STAB1: variants seen among roughly 807,000 people sequenced by gnomAD.
STAB1 encodes stabilin 1, also known as stabilin-1.
Under a neutral mutation model 332.4 loss-of-function variants are expected in STAB1, and 250 were observed. The ratio of observed to expected loss-of-function variants is 0.75; its 90% CI spans 0.68 to 0.84. The LOEUF (loss-of-function observed/expected upper bound fraction) is 0.84. STAB1 is among the 40% of genes least tolerant of loss of function. STAB1 has a pLI of 0.00. For missense variants in STAB1, 3,249 were observed against 3,489.7 expected (o/e 0.93, Z 1.74); for synonymous variants, 1,475 against 1,390.4 (o/e 1.06, Z -1.35).
Position 52,521,688 on chromosome 3 carries a change from G to A in STAB1, c.6151G>A (p.Glu2051Lys), listed in dbSNP as rs748334259. 6.2e-7 allele frequency: 1 copy of A among 1,612,860 alleles called. No individual in the cohort carries two copies. Among genetic ancestry groups the A allele is most frequent in the Non-Finnish European group, 8.5e-7 (1 of 1,179,856 alleles). ...CDEGWTGPRC[E>K]VQLELQPVCT... ...TGAAGGCTGGACTGGGCCACGCTGT[G>A]AGGTGCAACTGGGTGAGTAGCCCCG... The change falls in exon 57 of 69, where the codon GAG becomes AAG. Residue 2051 changes from glutamate to lysine, a missense_variant. Glu to Lys is a moderately conservative substitution (Grantham distance 56). Transcript: ENST00000321725.
chr3:52,506,364 A>T, intron 17 of STAB1, 114 bp downstream of exon 17: 2 of 980,832 alleles, frequency 2.0e-6, no homozygotes, highest in Non-Finnish European at 3.1e-6. Context: ...CTGCTAGGCC[A>T]TGGCGGGCTC....
intron 20 of STAB1, 116 bp from the exon 21 acceptor site, chr3:52,508,157 C>A (rs1412643841): frequency 1.5e-6 from 2 of 1,340,950 alleles, no homozygotes; most frequent in African/African-American, 1.5e-5. Flanking sequence ...GAAAAGGGGT[C>A]CCAGAGAAAC....
chr3:52,504,219 G>A, intron 10 of STAB1, 64 bp downstream of exon 10: 1 of 1,539,246 alleles, frequency 6.5e-7, no homozygotes, highest in South Asian at 1.2e-5. Flanking sequence ...GGCAGGGAGG[G>A]AGGAGCTGCC....
rs368910378 is a variant in STAB1, at chr3:52,516,915, G to A, written c.4364-69G>A. On this transcript the variant is annotated intron_variant, in intron 41 of 68. Transcript: ENST00000321725. ...CCTCTGACCTTTTCCTTTCTCTCAC[G>A]CCCTCCTCTCCTGTCCTGCCTCCGG... is the stretch of plus-strand genomic sequence containing the variant. 122 of 1,602,818 alleles carry A rather than the reference G, an allele frequency of 7.6e-5. No homozygotes were observed. The African/African-American group carries it at 9.5e-4, about 12-fold the overall frequency.
chr3:52,518,017 A>C lies in STAB1; in HGVS notation c.4761+14A>C. On this transcript the variant is annotated intron_variant, in intron 45 of 68. Transcript: ENST00000321725. ...CGAGTCGGCCTGGTAATGATGCCCA[A>C]GTCAGACCCCTGATCTGGTCTTGGC... 6.3e-7 allele frequency: 1 copy of C among 1,598,032 alleles called. No homozygotes were observed. The highest frequency in any genetic ancestry group is 2.2e-5 in the East Asian group (1 of 44,752).
Position 52,505,007 on chromosome 3 carries a change from A to T in STAB1, c.1382A>T (p.Tyr461Phe). Reference sequence around the variant, plus strand: ...AGACCTCTTGTGTCTCACCAGAAATACTCCTACAAGTACAAAGACCAGCCC... The same window carrying T: ...AGACCTCTTGTGTCTCACCAGAAATTCTCCTACAAGTACAAAGACCAGCCC... ...ITVTFNQFTK[Y>F]SYKYKDQPQQ... The change falls in exon 13 of 69, where the codon TAC becomes TTC. Residue 461 changes from tyrosine to phenylalanine, a missense_variant. Coordinates refer to ENST00000321725, the MANE Select transcript of STAB1 (RefSeq NM_015136.3). The T allele has an allele frequency of 6.2e-7, 1 of 1,613,546 alleles. No individual in the cohort carries two copies. The highest frequency in any genetic ancestry group is 8.5e-7 in the Non-Finnish European group (1 of 1,179,908).
chr3:52,520,946 G>A lies in STAB1; in HGVS notation c.5849G>A (p.Cys1950Tyr), dbSNP rs1487131630. 1 of 1,587,524 alleles carries A rather than the reference G, an allele frequency of 6.3e-7. No individual in the cohort carries two copies. The highest frequency in any genetic ancestry group is 8.6e-7 in the Non-Finnish European group (1 of 1,166,720). Residue 1950 changes from cysteine (C) to tyrosine (Y), a missense_variant, in exon 55 of 69, where the codon TGT becomes TAT. Cys to Tyr is a radical substitution (Grantham distance 194). Coordinates refer to ENST00000321725, the MANE Select transcript of STAB1 (RefSeq NM_015136.3). ...QGLGRGCHRNCVTTTWKPSCC... is the reference protein window; with the variant it reads ...QGLGRGCHRNYVTTTWKPSCC... ...CTGGGCAGGGGCTGCCACCGCAATT[G>A]TGTCACCACCACCTGGAAGCCCAGC...
chr3:52,521,856 T>C lies in STAB1; in HGVS notation c.6176T>C (p.Val2059Ala). The change falls in exon 58 of 69, where the codon GTG (valine) becomes GCG (alanine). Residue 2059 changes from valine (V) to alanine (A), a missense_variant. Transcript: ENST00000321725. ...CCCTGGGGGACAGAGCTGCAGCCTGTGTGTACCCCACCCTGTGCACCCGAG... is the reference window on the plus strand; with the variant it reads ...CCCTGGGGGACAGAGCTGCAGCCTGCGTGTACCCCACCCTGTGCACCCGAG... Reference protein sequence around the residue: ...RCEVQLELQPVCTPPCAPEAV... With the variant: ...RCEVQLELQPACTPPCAPEAV... 6.3e-7 allele frequency: 1 copy of C among 1,599,754 alleles called. No homozygotes were observed. Among genetic ancestry groups the C allele is most frequent in the Admixed American group, 1.7e-5 (1 of 59,422 alleles).
chr3:52,501,079 G>A, intron 1 of STAB1, 87 bp from the exon 2 acceptor site: 4 of 1,530,840 alleles, frequency 2.6e-6, no homozygotes, highest in South Asian at 2.4e-5. Context: ...GGCAGCTGGA[G>A]GGGTGTGAGC....
At chr3:52,516,301 GC>G in intron 38 of STAB1, 54 bp from the exon 39 acceptor site, 5 of 1,607,336 alleles carry the variant, frequency 3.1e-6, no homozygotes, top group Non-Finnish European at 4.2e-6. Context: ...GGAGACCCCA[GC>G]CGGGACAGGA....
At chr3:52,515,580 G>T (rs1347753546) in intron 37 of STAB1, 74 bp downstream of exon 37, 3 of 1,503,356 alleles carry the variant, frequency 2.0e-6, no homozygotes, top group African/African-American at 2.7e-5. Context: ...CCAGGGAGGA[G>T]CCCAGTTTGG....
At chr3:52,519,587 T>C in intron 50 of STAB1, 23 bp downstream of exon 50, 17 of 1,609,184 alleles carry the variant, frequency 1.1e-5, no homozygotes, top group Non-Finnish European at 1.4e-5. Flanking sequence ...TGTGGGCCTG[T>C]CATTGTGGAC....
At chr3:52,519,904 AC>A (rs1216667272) in intron 50 of STAB1, 39 bp from the exon 51 acceptor site, 1 of 1,534,284 alleles carries the variant, frequency 6.5e-7, no homozygotes, top group Non-Finnish European at 8.7e-7. Flanking sequence ...CTAGTCTCTG[AC>A]TGGGCAGCGA....
At chr3:52,521,543 T>G (rs1327649736) in intron 56 of STAB1, 33 bp downstream of exon 56, 1 of 1,613,818 alleles carries the variant, frequency 6.2e-7, no homozygotes, top group African/African-American at 1.3e-5. Flanking sequence ...ACGGCCCGAT[T>G]CCTTTGGCCC....
Position 52,524,076 on chromosome 3 carries a change from C to G in STAB1, c.7543-24C>G, listed in dbSNP as rs1190856508. 4 of 1,612,956 alleles carry G rather than the reference C, an allele frequency of 2.5e-6. No homozygotes were observed. In the South Asian group the frequency reaches 4.4e-5, roughly 18 times the overall value. On this transcript the variant is annotated intron_variant, in intron 67 of 68. Coordinates refer to ENST00000321725, the MANE Select transcript of STAB1 (RefSeq NM_015136.3). ...TTGGATCTCGCTTGAGGCGCCTCGC[C>G]ACTCACCCCTCTGCTGCTCCCAGGC...
chr3:52,518,854 C>G lies in STAB1; in HGVS notation c.5019C>G (p.Arg1673=). The G allele has an allele frequency of 6.3e-7, 1 of 1,597,844 alleles. No individual in the cohort carries two copies. The highest frequency in any genetic ancestry group is 8.5e-7 in the Non-Finnish European group (1 of 1,175,872). The change falls in exon 48 of 69, where the codon CGC becomes CGG. Residue 1673 remains arginine (R), a synonymous_variant. Coordinates refer to ENST00000321725, the MANE Select transcript of STAB1 (RefSeq NM_015136.3). ...YATALSGHPL[R]FSEREGSIYL... is the part of the protein sequence containing the mutation. ...CGGCCCTCTCAGGGCACCCACTGCG[C>G]TTCAGCGAGAGGGAGGTGAGCCCTG...
Position 52,516,414 on chromosome 3 carries a change from CTG to C in STAB1, c.4205_4206del (p.Cys1402Ter). ...GGCTGCAAGGGGACGGAAGCTGTGT[CTG>C]TAACGTGGGCTGGCAGGGCCTCCGC... Reference protein sequence around the residue: ...EGLQGDGSCVCNVGWQGLRCD... With the variant: ...EGLQGDGSCVXNVGWQGLRCD... On this transcript the variant is annotated frameshift_variant, in exon 39 of 69. Transcript: ENST00000321725. LOFTEE classifies it high-confidence loss of function. 6.2e-7 allele frequency: 1 copy of C among 1,611,792 alleles called. No individual in the cohort carries two copies. The highest frequency in any genetic ancestry group is 1.3e-5 in the African/African-American group (1 of 75,014).
At chr3:52,510,118 GC>G in intron 23 of STAB1, 23 bp from the exon 24 acceptor site, 1 of 1,613,860 alleles carries the variant, frequency 6.2e-7, no homozygotes, top group Non-Finnish European at 8.5e-7. Flanking sequence ...GCTCACTGGA[GC>G]CCCCTCCTTC....
In STAB1 at chr3:52,523,933, T is replaced by C. The variant is rs756726942; in HGVS notation, c.7458T>C (p.Ala2486=). 17 of 1,610,346 alleles carry C rather than the reference T, an allele frequency of 1.1e-5. No homozygotes were observed. The highest frequency in any genetic ancestry group is 1.4e-5 in the Non-Finnish European group (17 of 1,179,926). ...VAAGVGAVLA[A]GALLGLVAGA... is the part of the protein sequence containing the mutation. ...CAGGCGTGGGGGCTGTGCTTGCCGC[T>C]GGAGCACTGCTTGGCTTGGTGGCCG... is the stretch of plus-strand genomic sequence containing the variant. The change falls in exon 67 of 69, where the codon GCT becomes GCC. Residue 2486 remains alanine (A), a synonymous_variant. Coordinates refer to ENST00000321725, the MANE Select transcript of STAB1 (RefSeq NM_015136.3).
Sources: allele counts gnomAD v4.1 joint callset, GRCh38; gene constraint gnomAD v4.1.1; transcripts MANE v1.5; gene names NCBI Gene and HGNC (gene_info 2026-07-23, HGNC 2026-07-21).